The following FHIT variants were observed in gnomAD, a reference collection of about 807,000 sequenced individuals.
FHIT encodes the protein bis(5'-adenosyl)-triphosphatase.
Under a neutral mutation model 17.9 loss-of-function variants are expected in FHIT, and 19 were observed. That is an observed-to-expected ratio of 1.06 (90% CI 0.74 to 1.56). The LOEUF (loss-of-function observed/expected upper bound fraction) is 1.56, where lower values mean the gene tolerates loss of function less well. FHIT is among the 40% of genes most tolerant of loss of function. FHIT has a pLI of 0.00. For missense variants in FHIT, 248 were observed against 189.2 expected, an observed-to-expected ratio of 1.31 and a Z score of -1.82; for synonymous variants, 81 against 69.7, an observed-to-expected ratio of 1.16 and a Z score of -0.81.
At chr3:60,519,575 T>A (rs2035282981) in intron 5 of FHIT, among the ~76,000 whole-genome samples, 1 of 140,480 alleles carries the variant, frequency 7.1e-6, no homozygotes, top group Non-Finnish European at 1.6e-5. Flanking sequence ...ATTCTTAAAG[T>A]AAACTAGAGA....
intron 4 of FHIT, among the ~76,000 whole-genome samples, chr3:60,742,877 G>A (rs1018754716): frequency 1.1e-4 from 16 of 152,358 alleles, no homozygotes; most frequent in Admixed American, 2.6e-4. Flanking sequence ...CTCATAAAGA[G>A]ATGGAGATGG....
At chr3:60,954,894 T>C (rs1709043459) in intron 3 of FHIT, among the ~76,000 whole-genome samples, 1 of 152,166 alleles carries the variant, frequency 6.6e-6, no homozygotes, top group Admixed American at 6.5e-5. Context: ...CTCAAAATAC[T>C]TTTCCAATAG....
At chr3:60,781,826 A>G (rs1700398183) in intron 4 of FHIT, among the ~76,000 whole-genome samples, 1 of 152,156 alleles carries the variant, frequency 6.6e-6, no homozygotes, top group African/African-American at 2.4e-5. Flanking sequence ...AAATTATTTC[A>G]TTTTTTTCAT....
chr3:60,336,371 T>G (rs1258927863), intron 5 of FHIT, among the ~76,000 whole-genome samples: 1 of 152,202 alleles, frequency 6.6e-6, no homozygotes, highest in East Asian at 1.9e-4. Flanking sequence ...CAAAGGAGAT[T>G]AAAAGTAATC....
intron 5 of FHIT, among the ~76,000 whole-genome samples, chr3:60,491,741 G>A (rs577933750): frequency 3.9e-5 from 6 of 152,174 alleles, no homozygotes; most frequent in Non-Finnish European, 7.4e-5. Flanking sequence ...CCATCAGCTA[G>A]TGAAGATAAG....
chr3:60,451,880 G>T (rs1183232096), intron 5 of FHIT, among the ~76,000 whole-genome samples: 1 of 152,096 alleles, frequency 6.6e-6, no homozygotes, highest in African/African-American at 2.4e-5. Context: ...TAACTATGAA[G>T]ATGACTTAAA....
At chr3:60,605,025 C>T (rs2038565667) in intron 4 of FHIT, among the ~76,000 whole-genome samples, 1 of 152,108 alleles carries the variant, frequency 6.6e-6, no homozygotes, top group Non-Finnish European at 1.5e-5. Flanking sequence ...AAACCATTCA[C>T]ATTTTTTAAA....
chr3:61,043,534 A>G (rs376120455), intron 2 of FHIT, among the ~76,000 whole-genome samples: 8 of 152,204 alleles, frequency 5.3e-5, no homozygotes, highest in African/African-American at 1.9e-4. Flanking sequence ...CTGCCTCTGT[A>G]GTCTCCACCT....
chr3:60,239,459 G>A (rs1032845634), intron 5 of FHIT, among the ~76,000 whole-genome samples: 4 of 151,264 alleles, frequency 2.6e-5, no homozygotes, highest in African/African-American at 9.8e-5. Context: ...CAGCTACTCA[G>A]GGGGCTAAGG....
At chr3:61,159,460 G>A (rs777594670) in intron 2 of FHIT, among the ~76,000 whole-genome samples, 1 of 152,132 alleles carries the variant, frequency 6.6e-6, no homozygotes, top group Non-Finnish European at 1.5e-5. Context: ...CAACTGTAGG[G>A]GCGGCCTGGA....
At chr3:60,107,658 T>C (rs186213889) in intron 5 of FHIT, among the ~76,000 whole-genome samples, 124 of 152,310 alleles carry the variant, frequency 8.1e-4, no homozygotes, top group Admixed American at 2.9e-3. Context: ...CAGGCTTAAG[T>C]TCTGTTTTCC....
intron 8 of FHIT, among the ~76,000 whole-genome samples, chr3:59,896,941 G>C (rs569776612): frequency 1.3e-5 from 2 of 152,114 alleles, no homozygotes; most frequent in Non-Finnish European, 2.9e-5. Flanking sequence ...TGTTAGCAAC[G>C]ATTGGGAGGG....
chr3:60,946,006 AG>A (rs1328097041), intron 3 of FHIT, among the ~76,000 whole-genome samples: 11 of 152,212 alleles, frequency 7.2e-5, no homozygotes, highest in African/African-American at 2.7e-4. Context: ...AAGCTGAATG[AG>A]GGTCATAGTT....
At chr3:60,348,199 C>T (rs183471649) in intron 5 of FHIT, among the ~76,000 whole-genome samples, 20 of 151,968 alleles carry the variant, frequency 1.3e-4, no homozygotes, top group Admixed American at 5.2e-4. Context: ...GTTTGTTTAA[C>T]AAATCAATGG....
At chr3:59,982,721 C>G (rs1399881694) in intron 7 of FHIT, among the ~76,000 whole-genome samples, 1 of 152,106 alleles carries the variant, frequency 6.6e-6, no homozygotes, top group African/African-American at 2.4e-5. Flanking sequence ...GTAATTAGGT[C>G]ATCAAACAGC....
chr3:60,051,108 G>A (rs1253019012), intron 5 of FHIT, among the ~76,000 whole-genome samples: 2 of 152,112 alleles, frequency 1.3e-5, no homozygotes, highest in South Asian at 2.1e-4. Context: ...GGAGCTTCTG[G>A]TCTGCATAAC....
chr3:60,443,959 T>C (rs1241229426), intron 5 of FHIT, among the ~76,000 whole-genome samples: 2 of 152,106 alleles, frequency 1.3e-5, no homozygotes, highest in Non-Finnish European at 2.9e-5. Flanking sequence ...AAAGGGCTAA[T>C]ATCCAGAATC....
intron 5 of FHIT, among the ~76,000 whole-genome samples, chr3:60,172,409 G>C (rs1313758077): frequency 4.6e-5 from 7 of 151,462 alleles, no homozygotes; most frequent in Admixed American, 4.6e-4. Flanking sequence ...GGGATTACAG[G>C]CATGCACCAC....
chr3:60,160,609 G>A (rs1455159695), intron 5 of FHIT, among the ~76,000 whole-genome samples: 1 of 152,060 alleles, frequency 6.6e-6, no homozygotes, highest in Non-Finnish European at 1.5e-5. Flanking sequence ...AAAGAAAATG[G>A]CTTTTTGTGG....
Sources: gnomAD v4.1 joint callset for allele counts (sites outside exome capture counted in the v4.1 genomes callset) on GRCh38, gnomAD v4.1.1 for gene constraint, MANE v1.5 for transcripts, NCBI Gene and HGNC (gene_info 2026-07-23, HGNC 2026-07-21) for gene names.